The following MORN5 variants were observed in gnomAD, a reference collection of about 807,000 sequenced individuals.
The protein encoded by MORN5 is MORN repeat containing 5.
MORN5 carries 21 observed loss-of-function variants against 22.1 expected under a neutral mutation model. The observed-to-expected ratio is 0.95, with a 90% confidence interval of 0.67 to 1.37. MORN5 has a LOEUF of 1.37. Ranked by LOEUF, MORN5 falls within the 40% of genes most tolerant of loss-of-function variation. The pLI is 0.00. For missense variants in MORN5, 211 were observed against 215.1 expected (o/e 0.98, Z 0.12); for synonymous variants, 73 against 74.0 (o/e 0.99, Z 0.07).
intron 2 of MORN5, among the ~76,000 whole-genome samples, chr9:122,169,199 C>A (rs969911583): frequency 6.6e-6 from 1 of 152,164 alleles, no homozygotes; most frequent in Non-Finnish European, 1.5e-5. Context: ...TCTAGAAACG[C>A]CCTCATGAAC....
intron 4 of MORN5, among the ~76,000 whole-genome samples, chr9:122,180,513 T>C (rs2118766366): frequency 6.6e-6 from 1 of 152,276 alleles, no homozygotes; most frequent in East Asian, 1.9e-4. Context: ...CTCGAACTCC[T>C]GACCTCAGGT....
intron 3 of MORN5, among the ~76,000 whole-genome samples, chr9:122,171,415 A>C (rs1469011540): frequency 1.3e-5 from 2 of 151,872 alleles, no homozygotes; most frequent in Non-Finnish European, 2.9e-5. Flanking sequence ...TGCCTCCTCA[A>C]CATCCCCCCA....
chr9:122,198,549 C>G (rs1296673629), intron 4 of MORN5, among the ~76,000 whole-genome samples: 1 of 152,040 alleles, frequency 6.6e-6, no homozygotes, highest in Admixed American at 6.6e-5. Context: ...GGCAGGAAGG[C>G]AGGGAGAAGG....
chr9:122,185,649 T>C (rs1008589226), intron 4 of MORN5, among the ~76,000 whole-genome samples: 2 of 152,186 alleles, frequency 1.3e-5, no homozygotes, highest in South Asian at 2.1e-4. Flanking sequence ...CATGAGCCAC[T>C]GCGCCTGGCC....
intron 4 of MORN5, among the ~76,000 whole-genome samples, chr9:122,181,770 C>T (rs150201691): frequency 7.9e-5 from 12 of 152,274 alleles, no homozygotes; most frequent in African/African-American, 2.2e-4. Flanking sequence ...TCAGTCTCCT[C>T]ATCTGTAAAA....
At chr9:122,193,003 A>G (rs1400422284) in intron 4 of MORN5, among the ~76,000 whole-genome samples, 3 of 150,258 alleles carry the variant, frequency 2.0e-5, no homozygotes, top group Non-Finnish European at 4.4e-5. Context: ...ATCAAAAGTA[A>G]ATGGTACAGG....
chr9:122,192,757 C>T (rs980678879), intron 4 of MORN5, among the ~76,000 whole-genome samples: 7 of 152,184 alleles, frequency 4.6e-5, no homozygotes, highest in Non-Finnish European at 1.0e-4. Context: ...CAATCTATTG[C>T]CCCAAATCAC....
intron 3 of MORN5, among the ~76,000 whole-genome samples, chr9:122,170,881 A>C (rs1315865120): frequency 2.0e-5 from 3 of 152,318 alleles, no homozygotes; most frequent in East Asian, 3.9e-4. Flanking sequence ...AATGTAGATG[A>C]CAGGTTGATG....
chr9:122,199,720 G>A (rs1025901255), intron 4 of MORN5, among the ~76,000 whole-genome samples, 165 bp from the exon 5 acceptor site: 1 of 152,132 alleles, frequency 6.6e-6, no homozygotes, highest in African/African-American at 2.4e-5. Flanking sequence ...CAGCCACTCC[G>A]AGGAATTCAG....
chr9:122,183,038 C>A (rs1829560829), intron 4 of MORN5, among the ~76,000 whole-genome samples: 1 of 152,218 alleles, frequency 6.6e-6, no homozygotes, highest in Admixed American at 6.5e-5. Flanking sequence ...CCACCAAGCA[C>A]AGTTCCTGGC....
intron 4 of MORN5, among the ~76,000 whole-genome samples, chr9:122,195,446 G>A (rs1438977027): frequency 6.6e-6 from 1 of 152,188 alleles, no homozygotes; most frequent in Non-Finnish European, 1.5e-5. Context: ...TCCACTGGGG[G>A]ATAGCTGTTT....
chr9:122,189,172 G>A (rs1451036614), intron 4 of MORN5, among the ~76,000 whole-genome samples: 1 of 151,752 alleles, frequency 6.6e-6, no homozygotes, highest in African/African-American at 2.4e-5. Context: ...TCCAGCCTGG[G>A]TGACAGAGCG....
At chr9:122,184,933 G>A (rs2118772629) in intron 4 of MORN5, among the ~76,000 whole-genome samples, 1 of 152,358 alleles carries the variant, frequency 6.6e-6, no homozygotes, top group South Asian at 2.1e-4. Flanking sequence ...GGCCTGCCTA[G>A]CAGCCCTATA....
chr9:122,195,536 T>C (rs967127632), intron 4 of MORN5, among the ~76,000 whole-genome samples: 4 of 152,200 alleles, frequency 2.6e-5, no homozygotes, highest in Non-Finnish European at 5.9e-5. Flanking sequence ...AACTGGAATC[T>C]GTCTGATGTT....
At chr9:122,187,159 G>A (rs926357781) in intron 4 of MORN5, among the ~76,000 whole-genome samples, 1 of 152,224 alleles carries the variant, frequency 6.6e-6, no homozygotes, top group Non-Finnish European at 1.5e-5. Context: ...AGCACCTTTC[G>A]GTGCATGTTG....
intron 4 of MORN5, among the ~76,000 whole-genome samples, chr9:122,195,171 A>C (rs945862756): frequency 2.6e-5 from 4 of 152,204 alleles, no homozygotes; most frequent in Admixed American, 2.6e-4. Context: ...CTCACCTTTT[A>C]GGGAGCACAC....
At chr9:122,168,376 A>T (rs938678161) in intron 2 of MORN5, among the ~76,000 whole-genome samples, 13 of 152,338 alleles carry the variant, frequency 8.5e-5, no homozygotes, top group Middle Eastern at 3.4e-3. Flanking sequence ...ATTTATATAC[A>T]GAAGTTTCTG....
intron 4 of MORN5, among the ~76,000 whole-genome samples, chr9:122,195,494 G>A (rs1829868748): frequency 6.6e-6 from 1 of 152,152 alleles, no homozygotes; most frequent in Non-Finnish European, 1.5e-5. Context: ...GTTTTGGGGA[G>A]TATCGGTCAG....
At chr9:122,166,996 C>G in intron 2 of MORN5, 81 bp downstream of exon 2, 1 of 1,346,240 alleles carries the variant, frequency 7.4e-7, no homozygotes. Context: ...CCCATCCTCC[C>G]TGTCTGGTGC....
Sources: gnomAD v4.1 joint callset for allele counts (sites outside exome capture counted in the v4.1 genomes callset) on GRCh38, gnomAD v4.1.1 for gene constraint, MANE v1.5 for transcripts, NCBI Gene and HGNC (gene_info 2026-07-23, HGNC 2026-07-21) for gene names.